COX7B2: variants seen among roughly 807,000 people sequenced by gnomAD.
The protein encoded by COX7B2 is cytochrome c oxidase subunit 7B2, also known as cytochrome c oxidase subunit 7B2, mitochondrial.
For missense variants in COX7B2, 109 were observed against 95.9 expected, an observed-to-expected ratio of 1.14 and a Z score of -0.57; for synonymous variants, 37 against 32.1, an observed-to-expected ratio of 1.15 and a Z score of -0.51.
At chr4:46,754,010 C>G (rs959439544) in intron 2 of COX7B2, among the ~76,000 whole-genome samples, 2 of 152,080 alleles carry the variant, frequency 1.3e-5, no homozygotes, top group African/African-American at 2.4e-5. Context: ...AAACCACAAT[C>G]AGACACCATT....
At chr4:46,897,901 T>C (rs1719855659) in intron 1 of COX7B2, among the ~76,000 whole-genome samples, 1 of 152,212 alleles carries the variant, frequency 6.6e-6, no homozygotes, top group Non-Finnish European at 1.5e-5. Flanking sequence ...GTTAACCACA[T>C]TAACTTGACA....
intron 2 of COX7B2, among the ~76,000 whole-genome samples, chr4:46,763,030 A>AT (rs1716289464): frequency 7.6e-6 from 1 of 131,058 alleles, no homozygotes; most frequent in African/African-American, 2.9e-5. Context: ...ATAATATAAT[A>AT]TAATATATAT....
At chr4:46,885,295 G>A (rs938267114) in intron 1 of COX7B2, among the ~76,000 whole-genome samples, 1 of 151,908 alleles carries the variant, frequency 6.6e-6, no homozygotes, top group Non-Finnish European at 1.5e-5. Context: ...AATAAAACAC[G>A]CATATAATCA....
chr4:46,852,610 G>A (rs1716757246), intron 1 of COX7B2, among the ~76,000 whole-genome samples: 1 of 151,630 alleles, frequency 6.6e-6, no homozygotes, highest in South Asian at 2.1e-4. Flanking sequence ...TTCATTATTT[G>A]CAATTTTATT....
At chr4:46,815,785 G>A (rs1278828294) in intron 2 of COX7B2, among the ~76,000 whole-genome samples, 1 of 152,216 alleles carries the variant, frequency 6.6e-6, no homozygotes, top group East Asian at 1.9e-4. Flanking sequence ...CAGGGCTTCA[G>A]AGAAATGTTG....
intron 1 of COX7B2, among the ~76,000 whole-genome samples, chr4:46,871,920 T>G (rs1263175039): frequency 4.6e-5 from 7 of 152,168 alleles, no homozygotes; most frequent in Non-Finnish European, 5.9e-5. Context: ...TGGTGATTCC[T>G]CAGAGAGCTA....
intron 2 of COX7B2, among the ~76,000 whole-genome samples, chr4:46,816,950 T>C (rs1719589200): frequency 6.6e-6 from 1 of 152,214 alleles, no homozygotes; most frequent in African/African-American, 2.4e-5. Flanking sequence ...AGTATTTTGC[T>C]TCACTTTGTC....
chr4:46,824,285 G>A (rs959399208), intron 2 of COX7B2, among the ~76,000 whole-genome samples: 1 of 152,078 alleles, frequency 6.6e-6, no homozygotes, highest in Non-Finnish European at 1.5e-5. Context: ...CCAAAAAACT[G>A]AGGAGGAGGG....
At chr4:46,858,840 T>A (rs928751127) in intron 1 of COX7B2, among the ~76,000 whole-genome samples, 11 of 152,206 alleles carry the variant, frequency 7.2e-5, no homozygotes, top group Non-Finnish European at 1.5e-5. Context: ...TAACCAGTTA[T>A]AACAGCCTAA....
In COX7B2 at chr4:46,880,993, T is replaced by TAAAAAAAAAA. The variant is rs1215385422; in HGVS notation, c.-105+28157_-105+28166dup. Among the ~76,000 whole-genome samples the TAAAAAAAAAA allele has an allele frequency of 1.4e-3, 149 of 102,774 alleles. 4 individuals carry two copies. Among genetic ancestry groups the TAAAAAAAAAA allele is most frequent in the Admixed American group, 1.8e-3 (16 of 8,714 alleles). 67.4% of individuals were successfully genotyped at this position (102,774 alleles called of 152,430 possible). On this transcript the variant is annotated intron_variant, in intron 1 of 2. Coordinates refer to ENST00000355591, the MANE Select transcript of COX7B2 (RefSeq NM_130902.3). ...ATGTACCCTAAAACTTAGAGTATAA[T>TAAAAAAAAAA]AAAAAAAAAAAAAAAAAACTCTTGG...
chr4:46,790,040 C>T (rs1717955964), intron 2 of COX7B2, among the ~76,000 whole-genome samples: 1 of 151,718 alleles, frequency 6.6e-6, no homozygotes, highest in South Asian at 2.1e-4. Flanking sequence ...TTTTAGACAT[C>T]CACACATCTT....
intron 2 of COX7B2, among the ~76,000 whole-genome samples, chr4:46,801,328 C>T (rs778864491): frequency 9.9e-5 from 15 of 152,184 alleles, no homozygotes; most frequent in Admixed American, 7.9e-4. Flanking sequence ...GACAGGGAAT[C>T]GACATAGATG....
intron 2 of COX7B2, among the ~76,000 whole-genome samples, chr4:46,784,189 T>C (rs1364055336): frequency 6.6e-6 from 1 of 152,310 alleles, no homozygotes; most frequent in East Asian, 1.9e-4. Context: ...GGAGAGGGTA[T>C]TTGTATCAGA....
At position 46,735,329 on chromosome 4, in the gene COX7B2, T is replaced by A. The variant is rs1714300759; in HGVS notation, c.-49-88A>T. 1.0e-5 allele frequency: 10 copies of A among 972,882 alleles called. No individual in the cohort carries two copies. In the South Asian group the frequency reaches 1.6e-4, roughly 15 times the overall value. The allele number at this position is 972,882 out of a possible 1,614,324, so 60.3% of individuals were successfully genotyped here. A position where few individuals can be genotyped will look rare whatever the true frequency, so the allele number is the denominator to read the frequency against. ...TGTCTGGCTACATCACCCCTTGGAG[T>A]GGTGTTCAGGAATGTGAGTTTTGAT... On this transcript the variant is annotated intron_variant, in intron 2 of 2. Coordinates refer to ENST00000355591, the MANE Select transcript of COX7B2 (RefSeq NM_130902.3).
intron 2 of COX7B2, among the ~76,000 whole-genome samples, chr4:46,810,097 C>A (rs1165026288): frequency 6.6e-6 from 1 of 151,950 alleles, no homozygotes; most frequent in African/African-American, 2.4e-5. Flanking sequence ...TATCTTCTTC[C>A]ATCCCTTCAC....
chr4:46,908,808 G>A (rs547099189), intron 1 of COX7B2, among the ~76,000 whole-genome samples: 8 of 150,762 alleles, frequency 5.3e-5, no homozygotes, highest in Admixed American at 2.6e-4. Flanking sequence ...TTGGGAGGCC[G>A]AGGCGGGTGG....
At chr4:46,753,296 A>G (rs1577663234) in intron 2 of COX7B2, among the ~76,000 whole-genome samples, 1 of 151,690 alleles carries the variant, frequency 6.6e-6, no homozygotes, top group East Asian at 1.9e-4. Context: ...CATCTATTTG[A>G]TTTTTCTTTC....
chr4:46,890,654 G>C (rs140743679), intron 1 of COX7B2, among the ~76,000 whole-genome samples: 377 of 152,274 alleles, frequency 2.5e-3, no homozygotes, highest in African/African-American at 8.5e-3. Context: ...GAAGTGAAAG[G>C]ACAAACCATA....
At position 46,765,159 on chromosome 4, in the gene COX7B2, A is replaced by T. The variant is rs186420578; in HGVS notation, c.-49-29918T>A. On this transcript the variant is annotated intron_variant, in intron 2 of 2. Transcript: ENST00000355591. ...TTGAACAATCATCCATGCATGAAAA[A>T]AAACATTCTCAAGAGCTAAGAAATT... Among the ~76,000 whole-genome samples the T allele has an allele frequency of 4.2e-3, 642 of 152,232 alleles. 1 individual carries two copies. Among genetic ancestry groups the T allele is most frequent in the Non-Finnish European group, 6.3e-3 (429 of 68,026 alleles).
Sources: gnomAD v4.1 joint callset for allele counts (sites outside exome capture counted in the v4.1 genomes callset) on GRCh38, gnomAD v4.1.1 for gene constraint, MANE v1.5 for transcripts, NCBI Gene and HGNC (gene_info 2026-07-23, HGNC 2026-07-21) for gene names.